Variants in ANO6 observed in about 807,000 individuals in gnomAD.
The protein encoded by ANO6 is anoctamin 6, also known as anoctamin-6.
Under a neutral mutation model 117.5 loss-of-function variants are expected in ANO6, and 106 were observed. That is an observed-to-expected ratio of 0.90 (90% confidence interval 0.77 to 1.06). The LOEUF (loss-of-function observed/expected upper bound fraction) is 1.06, where lower values mean the gene tolerates loss of function less well. ANO6 is among the 50% of genes least tolerant of loss of function. The pLI is 0.00. For missense variants in ANO6, 955 were observed against 1,121.1 expected (o/e 0.85, Z 2.12); for synonymous variants, 367 against 385.1 (o/e 0.95, Z 0.55).
rs888397713 is a variant in ANO6 at position 45,372,054 on chromosome 12, C to T, written c.1104+4261C>T. Reference sequence around the variant, plus strand: ...GCTGAAAGCCAAGGCTCGAGAACTACGTGAAGAATGCAGAAGCCTCAGGAG... The same window carrying T: ...GCTGAAAGCCAAGGCTCGAGAACTATGTGAAGAATGCAGAAGCCTCAGGAG... On this transcript the variant is annotated intron_variant, in intron 9 of 19. Coordinates refer to ENST00000320560, the MANE Select transcript of ANO6 (RefSeq NM_001025356.3). Among the ~76,000 whole-genome samples, 987 of 151,806 alleles carry T rather than the reference C, an allele frequency of 6.5e-3. 14 individuals carry two copies. Among genetic ancestry groups the T allele is most frequent in the African/African-American group, 0.022 (922 of 41,290 alleles).
chr12:45,418,762 G>T (rs1943278494), intron 17 of ANO6, among the ~76,000 whole-genome samples: 2 of 152,128 alleles, frequency 1.3e-5, no homozygotes, highest in African/African-American at 4.8e-5. Flanking sequence ...ATTCACTCTG[G>T]CTAATTGGTG....
At chr12:45,420,324 T>C (rs1490707285) in intron 17 of ANO6, among the ~76,000 whole-genome samples, 3 of 152,116 alleles carry the variant, frequency 2.0e-5, no homozygotes, top group African/African-American at 4.8e-5. Flanking sequence ...TCTGATTACA[T>C]GTGCAAGTCT....
At chr12:45,370,762 G>A (rs796682194) in intron 9 of ANO6, among the ~76,000 whole-genome samples, 1 of 152,192 alleles carries the variant, frequency 6.6e-6, no homozygotes, top group Non-Finnish European at 1.5e-5. Flanking sequence ...GGAATCCCTG[G>A]ACAAGAGGAG....
chr12:45,216,378 C>T lies in ANO6; in HGVS notation c.57C>T (p.Asp19=). ...LLQMEEEEDD[D]DGDIVLENLG... ...AAATGGAGGAGGAGGAGGACGACGA[C>T]GATGGGGATATCGGTGAGCGAGGGG... is the stretch of plus-strand genomic sequence containing the variant. The change falls in exon 1 of 20, where the codon GAC becomes GAT. Residue 19 remains aspartate (D), a synonymous_variant. Transcript: ENST00000320560. 6.2e-7 allele frequency: 1 copy of T among 1,612,648 alleles called. No homozygotes were observed. The highest frequency in any genetic ancestry group is 8.5e-7 in the Non-Finnish European group (1 of 1,179,354).
intron 3 of ANO6, among the ~76,000 whole-genome samples, chr12:45,345,943 C>T (rs752730014): frequency 2.3e-4 from 27 of 115,216 alleles, no homozygotes; most frequent in Admixed American, 2.1e-3. Flanking sequence ...GTCACCCCCA[C>T]GGTGGTGGGG....
Position 45,292,890 on chromosome 12 carries a change from G to A in ANO6, c.71-9124G>A, listed in dbSNP as rs776443078. 3.9e-6 allele frequency: 6 copies of A among 1,550,784 alleles called. No individual in the cohort carries two copies. The African/African-American group carries it at 8.2e-5, about 21-fold the overall frequency. ...AGAAGCGTCAAGGACTCACCGAATT[G>A]TCCATTCCCCCTTTTGTTCTGCTGT... On this transcript the variant is annotated intron_variant, in intron 1 of 19. Transcript: ENST00000320560.
intron 3 of ANO6, among the ~76,000 whole-genome samples, chr12:45,331,990 G>T (rs574092628): frequency 6.6e-6 from 1 of 151,948 alleles, no homozygotes; most frequent in East Asian, 1.9e-4. Context: ...TCTTGACCTC[G>T]CATTTTTCTC....
At chr12:45,227,134 G>A (rs910715266) in intron 1 of ANO6, among the ~76,000 whole-genome samples, 6 of 151,862 alleles carry the variant, frequency 4.0e-5, no homozygotes, top group Admixed American at 3.3e-4. Context: ...GATTACAGGT[G>A]CACGCCACCA....
chr12:45,378,601 G>T (rs940961675), intron 10 of ANO6, among the ~76,000 whole-genome samples: 4 of 152,154 alleles, frequency 2.6e-5, no homozygotes, highest in Admixed American at 2.0e-4. Flanking sequence ...GCCTATTGTT[G>T]CACCAAGTTA....
rs558319809 is a variant in ANO6, at chr12:45,297,651, G to A, written c.71-4363G>A. Among the ~76,000 whole-genome samples the A allele has an allele frequency of 2.6e-5, 4 of 152,238 alleles. No individual in the cohort carries two copies. In the East Asian group the frequency reaches 7.7e-4, roughly 29 times the overall value. On this transcript the variant is annotated intron_variant, in intron 1 of 19. Coordinates refer to ENST00000320560, the MANE Select transcript of ANO6 (RefSeq NM_001025356.3). ...CTGTTGATTTTGGACTATCAAATAA[G>A]TCAGAAGCAGTACCACCAAGGACTT...
chr12:45,378,895 T>G (rs576220121), intron 10 of ANO6, among the ~76,000 whole-genome samples: 9 of 152,336 alleles, frequency 5.9e-5, no homozygotes, highest in African/African-American at 1.9e-4. Context: ...CTCTACTTAC[T>G]AACTAGAACA....
chr12:45,352,456 A>G (rs2408186), intron 7 of ANO6, among the ~76,000 whole-genome samples: 149,414 of 151,632 alleles, frequency 0.99, 73,657 homozygotes, highest in Middle Eastern at 1. Context: ...GCTGGGTGAG[A>G]TGACTCATTC....
chr12:45,318,919 C>A (rs1435188935), intron 2 of ANO6, among the ~76,000 whole-genome samples: 3 of 151,936 alleles, frequency 2.0e-5, no homozygotes, highest in East Asian at 3.9e-4. Context: ...GGCTCTCTGT[C>A]TGTTATTGGT....
At chr12:45,421,655 A>G (rs1370748312) in intron 18 of ANO6, among the ~76,000 whole-genome samples, 1 of 152,258 alleles carries the variant, frequency 6.6e-6, no homozygotes, top group African/African-American at 2.4e-5. Context: ...CCAAGAACCA[A>G]GATAATTCAG....
intron 1 of ANO6, among the ~76,000 whole-genome samples, chr12:45,243,713 C>T (rs904402439): frequency 2.6e-5 from 4 of 152,078 alleles, no homozygotes; most frequent in Non-Finnish European, 4.4e-5. Flanking sequence ...CCATGCCTGG[C>T]TAATTTTTGT....
intron 7 of ANO6, 125 bp downstream of exon 7, chr12:45,350,899 C>T (rs1941263561): frequency 5.1e-6 from 4 of 787,822 alleles, no homozygotes; most frequent in Non-Finnish European, 6.4e-6. Context: ...TGCTGAGCTT[C>T]GTTGGCCAGG....
At chr12:45,221,101 T>G (rs1947391340) in intron 1 of ANO6, among the ~76,000 whole-genome samples, 1 of 152,056 alleles carries the variant, frequency 6.6e-6, no homozygotes, top group Non-Finnish European at 1.5e-5. Flanking sequence ...CAATCTGAGC[T>G]CTGAGGCTTA....
intron 2 of ANO6, among the ~76,000 whole-genome samples, chr12:45,330,195 G>A (rs1940024023): frequency 6.6e-6 from 1 of 152,076 alleles, no homozygotes; most frequent in African/African-American, 2.4e-5. Flanking sequence ...ACCTTCATGT[G>A]TTCCACAGTG....
At chr12:45,216,766 C>T (rs1041636614) in intron 1 of ANO6, among the ~76,000 whole-genome samples, 1 of 152,232 alleles carries the variant, frequency 6.6e-6, no homozygotes, top group African/African-American at 2.4e-5. Flanking sequence ...GGCACTGGGG[C>T]GAGCCCCCTG....
Sources: allele counts gnomAD v4.1 joint callset (sites outside exome capture counted in the v4.1 genomes callset), GRCh38; gene constraint gnomAD v4.1.1; transcripts MANE v1.5; gene names NCBI Gene and HGNC (gene_info 2026-07-23, HGNC 2026-07-21).